The following FAM114A1 variants were observed in gnomAD, a reference collection of about 807,000 sequenced individuals.
The protein encoded by FAM114A1 is protein NOXP20.
In FAM114A1, 62 loss-of-function variants were observed where a neutral mutation model predicts 64.3. The ratio of observed to expected loss-of-function variants is 0.96; its 90% CI spans 0.79 to 1.19. FAM114A1 has a LOEUF of 1.19. Among genes scored for constraint, FAM114A1 ranks in the 50% most tolerant of loss-of-function variants. The pLI, the probability that FAM114A1 is intolerant of heterozygous loss-of-function variation, is 0.00. For synonymous variants in FAM114A1, 254 were observed against 251.1 expected (o/e 1.01, Z -0.11); for missense variants, 645 against 676.3 (o/e 0.95, Z 0.51).
intron 12 of FAM114A1, among the ~76,000 whole-genome samples, chr4:38,933,312 AC>A (rs1720816162): frequency 6.6e-6 from 1 of 152,170 alleles, no homozygotes; most frequent in African/African-American, 2.4e-5. Context: ...TAGAAGTAAA[AC>A]CTTTTGAGGG....
At chr4:38,884,391 C>T (rs1715593247) in intron 3 of FAM114A1, among the ~76,000 whole-genome samples, 1 of 152,178 alleles carries the variant, frequency 6.6e-6, no homozygotes, top group Admixed American at 6.5e-5. Flanking sequence ...GCTATCAGCA[C>T]CTATGTGGTT....
intron 2 of FAM114A1, among the ~76,000 whole-genome samples, chr4:38,874,133 C>G (rs755285747): frequency 6.6e-6 from 1 of 152,196 alleles, no homozygotes; most frequent in Non-Finnish European, 1.5e-5. Flanking sequence ...GGTTCAGTCT[C>G]AAAGTCAGAC....
At chr4:38,908,512 G>T in intron 6 of FAM114A1, 80 bp from the exon 7 acceptor site, 1 of 1,359,516 alleles carries the variant, frequency 7.4e-7, no homozygotes, top group Non-Finnish European at 1.0e-6. Context: ...TGAAGATAGT[G>T]CCAGTTACCT....
At chr4:38,923,555 A>C (rs1348258831) in intron 9 of FAM114A1, among the ~76,000 whole-genome samples, 2 of 152,152 alleles carry the variant, frequency 1.3e-5, no homozygotes, top group Non-Finnish European at 2.9e-5. Context: ...CTGCATGTGA[A>C]AGTTATTTAG....
At chr4:38,918,389 G>T (rs1015030351) in intron 8 of FAM114A1, among the ~76,000 whole-genome samples, 3 of 152,128 alleles carry the variant, frequency 2.0e-5, no homozygotes, top group Admixed American at 1.3e-4. Context: ...TTGTGGCTCC[G>T]CTAGGCCCGT....
At chr4:38,913,721 A>C (rs552663409) in intron 7 of FAM114A1, among the ~76,000 whole-genome samples, 17 of 152,336 alleles carry the variant, frequency 1.1e-4, no homozygotes, top group African/African-American at 4.1e-4. Context: ...CAGTAAGTAT[A>C]TGATGACAAA....
intron 1 of FAM114A1, chr4:38,868,052 C>T (rs748728570): frequency 1.7e-5 from 7 of 423,452 alleles, no homozygotes; most frequent in Non-Finnish European, 3.3e-5. Context: ...TGGGTGCGGG[C>T]GTGTGAGTGT....
At chr4:38,899,224 T>C (rs1399994780) in intron 4 of FAM114A1, among the ~76,000 whole-genome samples, 1 of 152,116 alleles carries the variant, frequency 6.6e-6, no homozygotes, top group East Asian at 1.9e-4. Flanking sequence ...GAAGCAAAAC[T>C]AAGCCAAGGG....
At chr4:38,915,740 TAGTGG>T (rs1388712490) in intron 8 of FAM114A1, among the ~76,000 whole-genome samples, 10 of 141,122 alleles carry the variant, frequency 7.1e-5, no homozygotes, top group Non-Finnish European at 1.5e-4. Flanking sequence ...AAAGCATCTA[TAGTGG>T]TGTGTGTGTG....
chr4:38,931,292 T>C (rs1720607564), intron 10 of FAM114A1, among the ~76,000 whole-genome samples, 159 bp from the exon 11 acceptor site: 1 of 152,196 alleles, frequency 6.6e-6, no homozygotes, highest in East Asian at 1.9e-4. Context: ...ACAACAAGGT[T>C]ATCTTTTTCG....
At chr4:38,882,873 G>A (rs1214182147) in intron 3 of FAM114A1, among the ~76,000 whole-genome samples, 1 of 152,232 alleles carries the variant, frequency 6.6e-6, no homozygotes, top group Non-Finnish European at 1.5e-5. Context: ...CAGATGGGGT[G>A]TTGCGACTAG....
At position 38,891,743 on chromosome 4, in the gene FAM114A1, G is replaced by T; in HGVS notation, c.349G>T (p.Ala117Ser). The stretch of plus-strand genomic sequence containing the variant: ...CTGTGGCTAATTTGTTTTTCTCCAG[G>T]CTGTGGATTCCCCTCCAAGTGGAGG... ...EIPLQEQNYL[A>S]VDSPPSGGGW... The change falls in exon 4 of 15, where the codon GCT becomes TCT. Residue 117 changes from alanine (A) to serine (S), a missense_variant and splice_region_variant. Coordinates refer to ENST00000358869, the MANE Select transcript of FAM114A1 (RefSeq NM_138389.4). 6.2e-7 allele frequency: 1 copy of T among 1,604,868 alleles called. No individual in the cohort carries two copies. The highest frequency in any genetic ancestry group is 8.5e-7 in the Non-Finnish European group (1 of 1,176,056).
At chr4:38,905,389 A>T in intron 4 of FAM114A1, 133 bp from the exon 5 acceptor site, 3 of 651,978 alleles carry the variant, frequency 4.6e-6, no homozygotes, top group Non-Finnish European at 7.8e-6. Flanking sequence ...ACAGAGCAAG[A>T]CTCCATCTTT....
chr4:38,894,161 T>C (rs1716678295), intron 4 of FAM114A1, among the ~76,000 whole-genome samples: 2 of 49,440 alleles, frequency 4.0e-5, no homozygotes, highest in Non-Finnish European at 7.1e-5. Flanking sequence ...AGAGTATGTC[T>C]CAAAAAAAAA....
chr4:38,877,938 T>C (rs957402355), intron 2 of FAM114A1, 133 bp from the exon 3 acceptor site: 1 of 717,358 alleles, frequency 1.4e-6, no homozygotes, highest in Admixed American at 3.2e-5. Flanking sequence ...CACTCCAGCC[T>C]AGGCAACAAG....
chr4:38,888,513 C>A (rs949134684), intron 3 of FAM114A1, among the ~76,000 whole-genome samples: 2 of 152,154 alleles, frequency 1.3e-5, no homozygotes, highest in African/African-American at 4.8e-5. Flanking sequence ...CAGAGCGAGA[C>A]TCTGTCTCCT....
intron 9 of FAM114A1, among the ~76,000 whole-genome samples, chr4:38,927,648 C>G (rs751053867): frequency 1.3e-5 from 2 of 152,114 alleles, no homozygotes; most frequent in African/African-American, 2.4e-5. Flanking sequence ...AAACGTATCC[C>G]TTGACGTTGA....
chr4:38,915,280 C>T (rs1718937653), intron 8 of FAM114A1, among the ~76,000 whole-genome samples: 1 of 152,088 alleles, frequency 6.6e-6, no homozygotes, highest in Non-Finnish European at 1.5e-5. Context: ...CCCACCCCAG[C>T]TCCAAAAAGG....
At chr4:38,910,105 G>A (rs1718396316) in intron 7 of FAM114A1, among the ~76,000 whole-genome samples, 1 of 152,112 alleles carries the variant, frequency 6.6e-6, no homozygotes, top group South Asian at 2.1e-4. Flanking sequence ...CGGATGTGGT[G>A]GCGAGCACCT....
Sources: gnomAD v4.1 joint callset for allele counts (sites outside exome capture counted in the v4.1 genomes callset) on GRCh38, gnomAD v4.1.1 for gene constraint, MANE v1.5 for transcripts, NCBI Gene and HGNC (gene_info 2026-07-23, HGNC 2026-07-21) for gene names.